ZFAND4: variants seen among roughly 807,000 people sequenced by gnomAD.
ZFAND4 encodes the protein zinc finger AN1-type containing 4.
ZFAND4 carries 43 observed loss-of-function variants against 64.4 expected under a neutral mutation model. That is an observed-to-expected ratio of 0.67 (90% confidence interval 0.52 to 0.86). The LOEUF is 0.86. Ranked by LOEUF, ZFAND4 falls within the 40% of genes least tolerant of loss-of-function variation. The probability of loss-of-function intolerance (pLI) is 0.00; values close to 1 mark genes in which losing one functional copy is unlikely to be tolerated. For synonymous variants in ZFAND4, 296 were observed against 305.7 expected, an observed-to-expected ratio of 0.97 and a Z score of 0.33; for missense variants, 929 against 859.8, an observed-to-expected ratio of 1.08 and a Z score of -1.01.
In ZFAND4 at chr10:45,644,974, C is replaced by CTT. The variant is rs71515371; in HGVS notation, c.569+3318_569+3319dup. Among the ~76,000 whole-genome samples the CTT allele has an allele frequency of 1.8e-3, 237 of 130,930 alleles. 2 individuals are homozygous for CTT. Among genetic ancestry groups the CTT allele is most frequent in the South Asian group, 2.7e-3 (11 of 4,026 alleles). 85.9% of individuals were successfully genotyped at this position (130,930 alleles called of 152,430 possible). The stretch of plus-strand genomic sequence containing the variant: ...TTTATAGTTAGTGAACATGTAAGGT[C>CTT]TTTTTTTTTTTTTTTTTGTCTTTTT... On this transcript the variant is annotated intron_variant, in intron 5 of 9. Coordinates refer to ENST00000344646, the MANE Select transcript of ZFAND4 (RefSeq NM_174890.4).
At chr10:45,629,940 ACAC>A (rs776873809) in intron 6 of ZFAND4, among the ~76,000 whole-genome samples, 47 of 152,260 alleles carry the variant, frequency 3.1e-4, no homozygotes, top group Non-Finnish European at 5.9e-4. Flanking sequence ...GCATCTCACT[ACAC>A]CAAAGGAAGA....
intron 4 of ZFAND4, chr10:45,649,011 G>A (rs1252103080): frequency 8.3e-6 from 8 of 960,380 alleles, no homozygotes; most frequent in Non-Finnish European, 9.9e-6. Flanking sequence ...GCTCATGCCT[G>A]TAATCCCAGC....
At chr10:45,629,217 C>A (rs1361182222) in intron 6 of ZFAND4, among the ~76,000 whole-genome samples, 2 of 152,100 alleles carry the variant, frequency 1.3e-5, no homozygotes, top group Non-Finnish European at 2.9e-5. Flanking sequence ...CACACATCAC[C>A]ATGCCCAGCT....
At chr10:45,654,481 T>G (rs949174033) in intron 2 of ZFAND4, among the ~76,000 whole-genome samples, 1 of 151,818 alleles carries the variant, frequency 6.6e-6, no homozygotes, top group Non-Finnish European at 1.5e-5. Flanking sequence ...TAGCCAGGCA[T>G]AGTGGCAGGC....
rs73292815 is a variant in ZFAND4, at chr10:45,622,082, A to G, written c.1927+2501T>C. ...GGCAGGACAGAGTTATGTGTCAACG[A>G]AAAACAACAACTATAACATTAAAAG... On this transcript the variant is annotated intron_variant, in intron 8 of 9. Coordinates refer to ENST00000344646, the MANE Select transcript of ZFAND4 (RefSeq NM_174890.4). 1.4e-3 allele frequency among the ~76,000 whole-genome samples: 213 copies of G among 152,340 alleles called. 2 individuals carry two copies. Among genetic ancestry groups the G allele is most frequent in the African/African-American group, 4.8e-3 (198 of 41,580 alleles).
chr10:45,631,094 G>C (rs1031817812), intron 6 of ZFAND4, among the ~76,000 whole-genome samples: 1 of 151,952 alleles, frequency 6.6e-6, no homozygotes, highest in Non-Finnish European at 1.5e-5. Context: ...CGAGGCGGGC[G>C]GATCACCAGG....
chr10:45,638,679 GC>G (rs1257763002), intron 6 of ZFAND4, among the ~76,000 whole-genome samples: 1 of 152,038 alleles, frequency 6.6e-6, no homozygotes, highest in South Asian at 2.1e-4. Flanking sequence ...ATTGATAAAA[GC>G]CAAAAGCTAG....
chr10:45,639,912 A>T lies in ZFAND4; in HGVS notation c.621T>A (p.Pro207=). 6.2e-7 allele frequency: 1 copy of T among 1,613,604 alleles called. No homozygotes were observed. Among genetic ancestry groups the T allele is most frequent in the Non-Finnish European group, 8.5e-7 (1 of 1,179,952 alleles). Residue 207 remains proline (P), a synonymous_variant, in exon 6 of 10, where the codon CCT becomes CCA. Coordinates refer to ENST00000344646, the MANE Select transcript of ZFAND4 (RefSeq NM_174890.4). ...CAATTATCTGTTGCCCAGAAGAAGA[A>T]GGCTCAGTTTCTTCATCCTCATCTG... ...SDTDEDEETE[P]SSSGQQIIEN... is the part of the protein sequence containing the mutation.
At chr10:45,642,413 C>T (rs1454998329) in intron 5 of ZFAND4, among the ~76,000 whole-genome samples, 7 of 151,962 alleles carry the variant, frequency 4.6e-5, no homozygotes, top group African/African-American at 7.3e-5. Context: ...CGAGACCATC[C>T]TGGCTAACAT....
At chr10:45,637,727 G>A (rs1211125469) in intron 6 of ZFAND4, among the ~76,000 whole-genome samples, 1 of 152,020 alleles carries the variant, frequency 6.6e-6, no homozygotes, top group Admixed American at 6.6e-5. Flanking sequence ...TCCAGCCTGG[G>A]CAACAGGGCG....
At chr10:45,623,425 TTGTG>T (rs149700793) in intron 8 of ZFAND4, among the ~76,000 whole-genome samples, 2 of 151,914 alleles carry the variant, frequency 1.3e-5, no homozygotes, top group Admixed American at 6.5e-5. Context: ...TATGTGTATA[TTGTG>T]TGTGTGTGTA....
intron 2 of ZFAND4, among the ~76,000 whole-genome samples, chr10:45,656,767 T>C (rs2048149203): frequency 6.6e-6 from 1 of 151,988 alleles, no homozygotes; most frequent in Non-Finnish European, 1.5e-5. Context: ...TGGAGGTAAT[T>C]AGGTCATGAG....
At chr10:45,623,687 T>C (rs1227196480) in intron 8 of ZFAND4, among the ~76,000 whole-genome samples, 1 of 152,126 alleles carries the variant, frequency 6.6e-6, no homozygotes. Context: ...ATGAAAAGTG[T>C]TCTAGAGAAA....
chr10:45,618,820 A>G (rs928254334), intron 8 of ZFAND4, among the ~76,000 whole-genome samples: 3 of 152,190 alleles, frequency 2.0e-5, no homozygotes, highest in Non-Finnish European at 2.9e-5. Context: ...AAGCACTTTA[A>G]GGTCAACTCA....
chr10:45,661,760 G>A (rs2048485117), intron 2 of ZFAND4, among the ~76,000 whole-genome samples: 2 of 152,022 alleles, frequency 1.3e-5, no homozygotes, highest in African/African-American at 4.8e-5. Flanking sequence ...GGCCAACATG[G>A]TGAAACCCCA....
chr10:45,638,418 C>T (rs962541938), intron 6 of ZFAND4, among the ~76,000 whole-genome samples: 5 of 151,148 alleles, frequency 3.3e-5, no homozygotes, highest in African/African-American at 4.9e-5. Context: ...GGCGTGAACC[C>T]GGGAGGCAGA....
chr10:45,640,109 T>G, intron 5 of ZFAND4, 146 bp from the exon 6 acceptor site: 1 of 1,292,414 alleles, frequency 7.7e-7, no homozygotes, highest in African/African-American at 1.5e-5. Context: ...GAAAATATAT[T>G]TCAAAGAATG....
intron 5 of ZFAND4, among the ~76,000 whole-genome samples, chr10:45,641,570 G>C (rs2047000333): frequency 6.6e-6 from 1 of 152,194 alleles, no homozygotes; most frequent in Non-Finnish European, 1.5e-5. Context: ...ATACGCATGG[G>C]TAGCATCTGA....
At chr10:45,625,800 T>C in intron 7 of ZFAND4, 151 bp downstream of exon 7, 1 of 847,980 alleles carries the variant, frequency 1.2e-6, no homozygotes, top group African/African-American at 1.7e-5. Flanking sequence ...ACTATCAAGA[T>C]TTTATACAAA....
Sources: allele counts gnomAD v4.1 joint callset (sites outside exome capture counted in the v4.1 genomes callset), GRCh38; gene constraint gnomAD v4.1.1; transcripts MANE v1.5; gene names NCBI Gene and HGNC (gene_info 2026-07-23, HGNC 2026-07-21).